PTCHD4: variants seen among roughly 807,000 people sequenced by gnomAD.
PTCHD4 encodes the protein patched domain-containing protein 4.
A neutral mutation model predicts 58.1 loss-of-function variants in PTCHD4; 33 were observed. That is an observed-to-expected ratio of 0.57 (90% CI 0.43 to 0.76). The LOEUF (loss-of-function observed/expected upper bound fraction) is 0.76. Among genes scored for constraint, PTCHD4 ranks in the 30% least tolerant of loss-of-function variants. PTCHD4 has a pLI of 0.00. For synonymous variants in PTCHD4, 478 were observed against 409.6 expected (o/e 1.17, Z -2.02); for missense variants, 1,058 against 1,027.1 (o/e 1.03, Z -0.41).
chr6:47,904,746 A>G (rs1333782470), intron 4 of PTCHD4, among the ~76,000 whole-genome samples: 2 of 152,238 alleles, frequency 1.3e-5, no homozygotes, highest in Admixed American at 1.3e-4. Flanking sequence ...CACTCAAGAA[A>G]TATTCTTTGA....
At chr6:48,044,728 T>C (rs1763973414) in intron 3 of PTCHD4, among the ~76,000 whole-genome samples, 1 of 151,864 alleles carries the variant, frequency 6.6e-6, no homozygotes, top group African/African-American at 2.4e-5. Context: ...TTCCCACTTT[T>C]TTATCATGCT....
intron 1 of PTCHD4, among the ~76,000 whole-genome samples, chr6:48,078,979 C>T (rs1352774698): frequency 1.3e-5 from 2 of 151,898 alleles, no homozygotes; most frequent in Non-Finnish European, 1.5e-5. Context: ...ATTAGCCGGG[C>T]GTGGTGCCGG....
At chr6:47,888,703 T>A (rs1015552254) in intron 4 of PTCHD4, among the ~76,000 whole-genome samples, 8 of 151,452 alleles carry the variant, frequency 5.3e-5, no homozygotes, top group Admixed American at 1.3e-4. Context: ...CATGTGCACA[T>A]TGTGCAGGTT....
Position 48,008,832 on chromosome 6 carries a change from C to A in PTCHD4, c.700G>T (p.Val234Phe), listed in dbSNP as rs1562004191. 1 of 1,614,002 alleles carries A rather than the reference C, an allele frequency of 6.2e-7. No homozygotes were observed. ...AGGATCAGCACGAGGCTCACCAGGA[C>A]CTTGCTTCTGGCCAGGATGCTGGTC... ...HKTSILARSK[V>F]LVSLVLILTT... is the part of the protein sequence containing the mutation. Residue 234 changes from valine (V) to phenylalanine (F), a missense_variant, in exon 4 of 5, where the codon GTC becomes TTC. By Grantham distance (50) the Val-to-Phe change is conservative (BLOSUM62 -1). Transcript: ENST00000339488.
intron 3 of PTCHD4, among the ~76,000 whole-genome samples, chr6:48,033,488 C>G (rs1470777346): frequency 6.6e-6 from 1 of 151,382 alleles, no homozygotes; most frequent in Non-Finnish European, 1.5e-5. Flanking sequence ...GTGAGACCGG[C>G]CTTCCCCTTT....
At chr6:48,022,191 CT>C (rs1255748372) in intron 3 of PTCHD4, among the ~76,000 whole-genome samples, 1 of 151,386 alleles carries the variant, frequency 6.6e-6, no homozygotes, top group Non-Finnish European at 1.5e-5. Context: ...CTTCTTTCCC[CT>C]CTCCCTCCCT....
intron 4 of PTCHD4, among the ~76,000 whole-genome samples, chr6:47,912,865 T>A (rs1420172749): frequency 6.6e-6 from 1 of 152,150 alleles, no homozygotes. Flanking sequence ...GCAACTCCTG[T>A]TTCTCCCTCC....
At chr6:47,964,284 T>C (rs1031524162) in intron 4 of PTCHD4, among the ~76,000 whole-genome samples, 3 of 152,150 alleles carry the variant, frequency 2.0e-5, no homozygotes, top group African/African-American at 7.2e-5. Flanking sequence ...CATAAACATT[T>C]GTTAGGAGGA....
rs1554178100 is a variant in PTCHD4 at position 48,066,099 on chromosome 6, C to CT, written c.417+2130dup. Among the ~76,000 whole-genome samples, 1,161 of 131,222 alleles carry CT rather than the reference C, an allele frequency of 8.8e-3. 4 individuals are homozygous for CT. The highest frequency in any genetic ancestry group is 0.023 in the Middle Eastern group (6 of 262). The allele number at this position is 131,222 out of a possible 152,430, so 86.1% of individuals were successfully genotyped here. On this transcript the variant is annotated intron_variant, in intron 3 of 4. Coordinates refer to ENST00000339488, the MANE Select transcript of PTCHD4 (RefSeq NM_001384253.1). ...CTCTGGGTGAGGACACTGACATCTA[C>CT]TTTTTTTTTTTTTTTTGAGACGGGA... is the stretch of plus-strand genomic sequence containing the variant.
In PTCHD4 at chr6:48,008,866, G is replaced by A. The variant is rs758148370; in HGVS notation, c.666C>T (p.Asp222=). 1.9e-6 allele frequency: 3 copies of A among 1,614,028 alleles called. No homozygotes were observed. The highest frequency in any genetic ancestry group is 2.5e-6 in the Non-Finnish European group (3 of 1,179,908). The change falls in exon 4 of 5, where the codon GAC becomes GAT. Residue 222 remains aspartate, a synonymous_variant. Transcript: ENST00000339488. ...YSLASFSLWR[D]FHKTSILARS... is the part of the protein sequence containing the mutation. ...TGGCCAGGATGCTGGTCTTATGAAA[G>A]TCCCTCCAGAGGCTAAAGGATGCTA...
Position 47,885,270 on chromosome 6 carries a change from G to GT in PTCHD4, c.899-5335_899-5334insA, listed in dbSNP as rs1561939178. On this transcript the variant is annotated intron_variant, in intron 4 of 4. Transcript: ENST00000339488. ...AGGGAGATGAATAGAAATAATAAGG[G>GT]GGTGTGTGTGTGTATTGAGTACTCC... Among the ~76,000 whole-genome samples, 404 of 151,866 alleles carry GT rather than the reference G, an allele frequency of 2.7e-3. 1 individual carries two copies. Among genetic ancestry groups the GT allele is most frequent in the African/African-American group, 8.8e-3 (363 of 41,444 alleles).
chr6:47,910,858 C>T (rs1450136979), intron 4 of PTCHD4, among the ~76,000 whole-genome samples: 1 of 152,066 alleles, frequency 6.6e-6, no homozygotes, highest in Non-Finnish European at 1.5e-5. Context: ...AAAATCTACC[C>T]CTTCTCCTCA....
intron 3 of PTCHD4, among the ~76,000 whole-genome samples, chr6:48,061,374 C>T (rs1286851807): frequency 6.6e-6 from 1 of 152,188 alleles, no homozygotes; most frequent in African/African-American, 2.4e-5. Context: ...CCAGATACCT[C>T]TTTGGTGTTT....
chr6:47,994,174 A>G (rs1280842484), intron 4 of PTCHD4, among the ~76,000 whole-genome samples: 3 of 152,170 alleles, frequency 2.0e-5, no homozygotes, highest in African/African-American at 2.4e-5. Flanking sequence ...ATACTGGGTG[A>G]TGCAGTCCAT....
chr6:47,983,745 A>G (rs953585615), intron 4 of PTCHD4, among the ~76,000 whole-genome samples: 4 of 152,208 alleles, frequency 2.6e-5, no homozygotes, highest in Non-Finnish European at 5.9e-5. Flanking sequence ...CAAATTCTAA[A>G]AACCTCTAAA....
intron 4 of PTCHD4, among the ~76,000 whole-genome samples, chr6:47,976,431 G>A (rs1195423984): frequency 6.6e-6 from 1 of 152,098 alleles, no homozygotes; most frequent in Non-Finnish European, 1.5e-5. Context: ...AAAGCAGGTG[G>A]ATGATGAGGT....
intron 4 of PTCHD4, among the ~76,000 whole-genome samples, chr6:47,926,106 C>A (rs1168667831): frequency 6.6e-6 from 1 of 152,200 alleles, no homozygotes; most frequent in African/African-American, 2.4e-5. Flanking sequence ...AGAACATCCT[C>A]ACCTCAACAT....
In PTCHD4 at chr6:47,875,080, T is replaced by C. The variant is rs936959151; in HGVS notation, c.*3223A>G. Among the ~76,000 whole-genome samples the C allele has an allele frequency of 1.1e-4, 16 of 151,622 alleles. No homozygotes were observed. Among genetic ancestry groups the C allele is most frequent in the African/African-American group, 3.9e-4 (16 of 41,316 alleles). ...TTCCAGTTTACATACAGAAAAAGAG[T>C]AGTTTTTTCAAACTTTATAACCTCT... On this transcript the variant is annotated 3_prime_UTR_variant, in exon 5 of 5. Coordinates refer to ENST00000339488, the MANE Select transcript of PTCHD4 (RefSeq NM_001384253.1).
intron 4 of PTCHD4, among the ~76,000 whole-genome samples, chr6:47,893,534 A>G (rs1380861382): frequency 1.3e-5 from 2 of 152,208 alleles, no homozygotes; most frequent in Non-Finnish European, 2.9e-5. Context: ...GCATCAGGCT[A>G]TGTGGGTTTA....
Sources: allele counts gnomAD v4.1 joint callset (sites outside exome capture counted in the v4.1 genomes callset), GRCh38; gene constraint gnomAD v4.1.1; transcripts MANE v1.5; gene names NCBI Gene and HGNC (gene_info 2026-07-23, HGNC 2026-07-21).